The following PDE4D variants were observed in gnomAD, a reference collection of about 807,000 sequenced individuals.
PDE4D encodes the protein 3',5'-cyclic-AMP phosphodiesterase 4D.
In PDE4D, 24 loss-of-function variants were observed where a neutral mutation model predicts 87.4. The observed-to-expected ratio is 0.27, with a 90% CI of 0.20 to 0.39. The LOEUF (loss-of-function observed/expected upper bound fraction) is 0.39, where lower values mean the gene tolerates loss of function less well. Among genes scored for constraint, PDE4D ranks in the 10% least tolerant of loss-of-function variants. The pLI, the probability that PDE4D is intolerant of heterozygous loss-of-function variation, is 1.00. For missense variants in PDE4D, 714 were observed against 1,041.0 expected, an observed-to-expected ratio of 0.69 and a Z score of 4.32; for synonymous variants, 384 against 383.2, an observed-to-expected ratio of 1.00 and a Z score of -0.02.
At chr5:59,394,477 G>C (rs1012477535) in intron 1 of PDE4D, among the ~76,000 whole-genome samples, 3 of 152,096 alleles carry the variant, frequency 2.0e-5, no homozygotes, top group Non-Finnish European at 2.9e-5. Context: ...GATAATTAAT[G>C]TTACCATTAA....
At chr5:59,267,484 C>T (rs27185) in intron 1 of PDE4D, among the ~76,000 whole-genome samples, 10,871 of 152,092 alleles carry the variant, frequency 0.071, 1,178 homozygotes, top group East Asian at 0.49. Flanking sequence ...CAATTACATA[C>T]TGAAATTATG....
intron 2 of PDE4D, among the ~76,000 whole-genome samples, chr5:60,063,102 GAAAGAAAGA>G (rs1562044295): frequency 0.057 from 3,497 of 61,764 alleles, 88 homozygotes; most frequent in Non-Finnish European, 0.071. Flanking sequence ...AAAGAAGAAA[GAAAGAAAGA>G]AAGAAAGAAA....
At chr5:59,771,530 GA>G (rs1324037350) in intron 1 of PDE4D, among the ~76,000 whole-genome samples, 19 of 146,562 alleles carry the variant, frequency 1.3e-4, no homozygotes, top group African/African-American at 5.1e-4. Context: ...AAGAAAGAAA[GA>G]AAGAAAGAAA....
intron 1 of PDE4D, among the ~76,000 whole-genome samples, chr5:60,511,517 T>TTAATAATAATAA (rs150885033): frequency 0.092 from 13,555 of 147,664 alleles, 668 homozygotes; most frequent in Non-Finnish European, 0.11. Context: ...CTATAGAAAT[T>TTAATAATAATAA]TAATAATAAT....
intron 2 of PDE4D, among the ~76,000 whole-genome samples, chr5:60,172,113 T>TA (rs1411076717): frequency 1.4e-5 from 2 of 146,908 alleles, no homozygotes; most frequent in Non-Finnish European, 3.0e-5. Flanking sequence ...TATATATATA[T>TA]TATATTATAT....
intron 1 of PDE4D, among the ~76,000 whole-genome samples, chr5:59,832,905 A>G (rs946943650): frequency 7.2e-5 from 11 of 152,106 alleles, no homozygotes; most frequent in African/African-American, 2.7e-4. Flanking sequence ...AACATGGAAA[A>G]ACAGATGAAA....
At position 59,762,854 on chromosome 5, in the gene PDE4D, G is replaced by GATATATAT. The variant is rs35979900; in HGVS notation, c.455+130306_455+130313dup. ...ACTAAAAAAGAGCAAACTGCTTAAG[G>GATATATAT]ATATATATATATATATATATATATA... is the stretch of plus-strand genomic sequence containing the variant. On this transcript the variant is annotated intron_variant, in intron 1 of 14. Transcript: ENST00000340635. 2.7e-3 allele frequency among the ~76,000 whole-genome samples: 139 copies of GATATATAT among 51,660 alleles called. 3 individuals carry two copies. Among genetic ancestry groups the GATATATAT allele is most frequent in the Non-Finnish European group, 3.2e-3 (84 of 26,566 alleles). 33.9% of individuals were successfully genotyped at this position (51,660 alleles called of 152,430 possible).
chr5:59,188,680 C>G (rs1687324402), intron 3 of PDE4D, among the ~76,000 whole-genome samples: 1 of 152,110 alleles, frequency 6.6e-6, no homozygotes, highest in Non-Finnish European at 1.5e-5. Context: ...GAAGCGGCGA[C>G]CCGCACTGGG....
chr5:59,907,317 C>T (rs188242657), intron 3 of PDE4D, among the ~76,000 whole-genome samples: 7 of 152,022 alleles, frequency 4.6e-5, no homozygotes, highest in Non-Finnish European at 8.8e-5. Flanking sequence ...TAGTGGTCGG[C>T]AAACTGTTTT....
At chr5:59,200,088 T>C (rs62643164) in intron 2 of PDE4D, among the ~76,000 whole-genome samples, 11,309 of 121,974 alleles carry the variant, frequency 0.093, 614 homozygotes, top group Middle Eastern at 0.16. Context: ...CACATACATG[T>C]ATGTAGACAT....
intron 1 of PDE4D, among the ~76,000 whole-genome samples, chr5:59,346,522 T>A (rs1779625073): frequency 6.6e-6 from 1 of 152,096 alleles, no homozygotes; most frequent in Admixed American, 6.6e-5. Flanking sequence ...CCCCCACCGA[T>A]AATAATTTCT....
intron 1 of PDE4D, among the ~76,000 whole-genome samples, chr5:60,365,038 C>A (rs1760401215): frequency 6.6e-6 from 1 of 152,142 alleles, no homozygotes; most frequent in African/African-American, 2.4e-5. Context: ...ACTAGCCTAT[C>A]CTCCAAATGA....
At chr5:59,786,266 A>C (rs542145516) in intron 1 of PDE4D, among the ~76,000 whole-genome samples, 1 of 152,304 alleles carries the variant, frequency 6.6e-6, no homozygotes, top group African/African-American at 2.4e-5. Context: ...GAAAAACTTA[A>C]ATCAACTATA....
intron 1 of PDE4D, among the ~76,000 whole-genome samples, chr5:59,426,588 A>AC (rs149644323): frequency 8.6e-5 from 13 of 151,804 alleles, no homozygotes; most frequent in Middle Eastern, 3.4e-3. Flanking sequence ...TCCCACAAGC[A>AC]CCCCCCTACC....
chr5:60,349,036 A>C (rs1758969000), intron 1 of PDE4D, among the ~76,000 whole-genome samples: 1 of 152,214 alleles, frequency 6.6e-6, no homozygotes, highest in Non-Finnish European at 1.5e-5. Flanking sequence ...CTAATACCAC[A>C]AAGTAAATTT....
chr5:59,665,385 T>G (rs1201674346), intron 1 of PDE4D, among the ~76,000 whole-genome samples: 1 of 152,244 alleles, frequency 6.6e-6, no homozygotes. Context: ...CTTATATTCC[T>G]GTGAACAGAC....
intron 2 of PDE4D, among the ~76,000 whole-genome samples, chr5:60,039,497 A>G (rs1326666981): frequency 6.6e-6 from 1 of 151,968 alleles, no homozygotes; most frequent in Admixed American, 6.6e-5. Context: ...ATGACAAGTT[A>G]ATGGGTGCAG....
chr5:59,009,486 T>C (rs1752329951), intron 6 of PDE4D, among the ~76,000 whole-genome samples: 1 of 151,974 alleles, frequency 6.6e-6, no homozygotes, highest in Non-Finnish European at 1.5e-5. Flanking sequence ...AACTCAAAAG[T>C]ATTGTAAGTG....
At chr5:59,491,564 T>TA (rs1806187649) in intron 1 of PDE4D, among the ~76,000 whole-genome samples, 2 of 152,224 alleles carry the variant, frequency 1.3e-5, no homozygotes, top group Admixed American at 6.5e-5. Flanking sequence ...GTAGTCTCAT[T>TA]GTGAATAGTA....
Sources: allele counts gnomAD v4.1 joint callset (sites outside exome capture counted in the v4.1 genomes callset), GRCh38; gene constraint gnomAD v4.1.1; transcripts MANE v1.5; gene names NCBI Gene and HGNC (gene_info 2026-07-23, HGNC 2026-07-21).